TTC39C: variants seen among roughly 807,000 people sequenced by gnomAD.
TTC39C encodes tetratricopeptide repeat protein 39C.
Under a neutral mutation model 76.3 loss-of-function variants are expected in TTC39C, and 33 were observed. The observed-to-expected ratio is 0.43, with a 90% CI of 0.33 to 0.58. The LOEUF (loss-of-function observed/expected upper bound fraction) is 0.58, where lower values mean the gene tolerates loss of function less well. Ranked by LOEUF, TTC39C falls within the 20% of genes least tolerant of loss-of-function variation. The pLI is 0.04. For missense variants in TTC39C, 595 were observed against 701.4 expected (o/e 0.85, Z 1.71); for synonymous variants, 254 against 260.6 (o/e 0.97, Z 0.24).
At chr18:23,995,987 C>A in intron 1 of TTC39C, among the ~76,000 whole-genome samples, 1 of 152,218 alleles carries the variant, frequency 6.6e-6, no homozygotes, top group East Asian at 1.9e-4. Context: ...AAAGAAACTG[C>A]CAAACGTTTT....
At chr18:24,083,724 C>G (rs1013512536) in intron 6 of TTC39C, among the ~76,000 whole-genome samples, 1 of 151,114 alleles carries the variant, frequency 6.6e-6, no homozygotes, top group African/African-American at 2.4e-5. Flanking sequence ...TGTCTCACTC[C>G]AGAACCAGAA....
chr18:24,133,841 A>C lies in TTC39C; in HGVS notation c.*1267A>C, dbSNP rs1263710777. The C allele has an allele frequency of 6.6e-6, 1 of 152,170 alleles. No individual in the cohort carries two copies. Among genetic ancestry groups the C allele is most frequent in the Non-Finnish European group, 1.5e-5 (1 of 68,042 alleles). 9.4% of individuals were successfully genotyped at this position (152,170 alleles called of 1,614,324 possible). ...TAGATTTTTAAAGAAATTTTTATTG[A>C]GCTAAAGGATATCATTTTAGGGTAT... On this transcript the variant is annotated 3_prime_UTR_variant, in exon 14 of 14. Coordinates refer to ENST00000317571, the MANE Select transcript of TTC39C (RefSeq NM_001135993.2).
intron 1 of TTC39C, among the ~76,000 whole-genome samples, chr18:24,019,328 A>G (rs1466679015): frequency 6.6e-6 from 1 of 152,216 alleles, no homozygotes; most frequent in Non-Finnish European, 1.5e-5. Context: ...TTCTGGCTGT[A>G]GATATTTTAA....
At chr18:24,064,879 G>A (rs185801023) in intron 2 of TTC39C, among the ~76,000 whole-genome samples, 11 of 152,166 alleles carry the variant, frequency 7.2e-5, no homozygotes, top group Middle Eastern at 3.4e-3. Flanking sequence ...CAGGTACCAC[G>A]CCAGCTTCCA....
At chr18:24,098,754 C>T (rs1211399775) in intron 6 of TTC39C, among the ~76,000 whole-genome samples, 3 of 151,604 alleles carry the variant, frequency 2.0e-5, no homozygotes, top group Non-Finnish European at 4.4e-5. Context: ...GCCTCAGCCT[C>T]CTGAGTAGCT....
chr18:24,019,807 A>G, intron 1 of TTC39C: 3 of 1,429,246 alleles, frequency 2.1e-6, no homozygotes, highest in Non-Finnish European at 2.8e-6. Context: ...GAGTAGTGTC[A>G]GAGACCATAT....
At chr18:24,057,729 A>G (rs2145721383) in intron 1 of TTC39C, among the ~76,000 whole-genome samples, 1 of 152,284 alleles carries the variant, frequency 6.6e-6, no homozygotes, top group South Asian at 2.1e-4. Context: ...TGCTATTAAC[A>G]TGGTGTATGT....
intron 10 of TTC39C, chr18:24,125,791 T>A (rs745694208): frequency 9.0e-6 from 4 of 445,802 alleles, no homozygotes; most frequent in African/African-American, 1.9e-5. Context: ...GCTTTTGTTA[T>A]AAATGTTATT....
At chr18:24,102,173 G>A (rs2084684850) in intron 6 of TTC39C, among the ~76,000 whole-genome samples, 1 of 152,210 alleles carries the variant, frequency 6.6e-6, no homozygotes, top group Non-Finnish European at 1.5e-5. Flanking sequence ...TGTCTGAATT[G>A]TAAATCCCAC....
intron 4 of TTC39C, among the ~76,000 whole-genome samples, chr18:24,076,333 G>A (rs1450559124): frequency 6.6e-6 from 1 of 152,142 alleles, no homozygotes; most frequent in Non-Finnish European, 1.5e-5. Flanking sequence ...CAGCGATAAC[G>A]ACAGCTGAAT....
intron 6 of TTC39C, among the ~76,000 whole-genome samples, chr18:24,093,161 G>A (rs975897797): frequency 1.3e-5 from 2 of 152,122 alleles, no homozygotes; most frequent in South Asian, 4.1e-4. Context: ...TGTGATTTTT[G>A]AATTTTATCT....
chr18:23,993,602 A>T (rs2083236920), intron 1 of TTC39C, among the ~76,000 whole-genome samples: 1 of 152,234 alleles, frequency 6.6e-6, no homozygotes, highest in South Asian at 2.1e-4. Context: ...ATCGAAATGT[A>T]GGCCTCCAGC....
intron 8 of TTC39C, among the ~76,000 whole-genome samples, chr18:24,123,376 C>T (rs2084999499): frequency 1.5e-5 from 2 of 137,092 alleles, no homozygotes; most frequent in Non-Finnish European, 3.2e-5. Flanking sequence ...CTTTGTGGAA[C>T]AGTCTTTTTT....
intron 6 of TTC39C, among the ~76,000 whole-genome samples, chr18:24,085,164 G>A (rs770954736): frequency 1.1e-3 from 173 of 152,268 alleles, no homozygotes; most frequent in Non-Finnish European, 2.0e-3. Flanking sequence ...GTGCATTGAC[G>A]AATAAAGTGT....
chr18:24,056,593 C>T (rs1469057678), intron 1 of TTC39C, among the ~76,000 whole-genome samples: 1 of 148,786 alleles, frequency 6.7e-6, no homozygotes, highest in East Asian at 2.0e-4. Context: ...CATCATCAGT[C>T]CAATTTTTAA....
intron 1 of TTC39C, among the ~76,000 whole-genome samples, chr18:24,025,373 A>G (rs1488995220): frequency 6.6e-6 from 1 of 152,234 alleles, no homozygotes; most frequent in East Asian, 1.9e-4. Context: ...CAGGTGATAT[A>G]CAAATGCAAA....
intron 1 of TTC39C, among the ~76,000 whole-genome samples, chr18:24,036,243 A>G (rs78836684): frequency 0.021 from 3,266 of 152,236 alleles, 88 homozygotes; most frequent in African/African-American, 0.066. Context: ...TTTAACATGG[A>G]GTTTTCTATT....
At chr18:24,045,904 TATATATATATATA>T (rs2083865136) in intron 1 of TTC39C, among the ~76,000 whole-genome samples, 1 of 39,222 alleles carries the variant, frequency 2.5e-5, no homozygotes, top group Non-Finnish European at 4.1e-5. Flanking sequence ...TATATATATA[TATATATATATATA>T]TATATATATA....
intron 6 of TTC39C, among the ~76,000 whole-genome samples, chr18:24,108,919 T>C (rs752094736): frequency 3.3e-5 from 5 of 152,226 alleles, no homozygotes; most frequent in Non-Finnish European, 5.9e-5. Flanking sequence ...TGCCATTTAC[T>C]GTGAGTATAT....
Sources: allele counts gnomAD v4.1 joint callset (sites outside exome capture counted in the v4.1 genomes callset), GRCh38; gene constraint gnomAD v4.1.1; transcripts MANE v1.5; gene names NCBI Gene and HGNC (gene_info 2026-07-23, HGNC 2026-07-21).